MZT2A: variants seen among roughly 807,000 people sequenced by gnomAD.
MZT2A encodes mitotic-spindle organizing protein 2A.
In MZT2A, 8 loss-of-function variants were observed where a neutral mutation model predicts 12.4. That is an observed-to-expected ratio of 0.64 (90% CI 0.38 to 1.16). The LOEUF (loss-of-function observed/expected upper bound fraction) is 1.16. Among genes scored for constraint, MZT2A ranks in the 50% most tolerant of loss-of-function variants. The pLI, the probability that MZT2A is intolerant of heterozygous loss-of-function variation, is 0.01. For missense variants in MZT2A, 181 were observed against 223.6 expected, an observed-to-expected ratio of 0.81 and a Z score of 1.22; for synonymous variants, 88 against 107.5, an observed-to-expected ratio of 0.82 and a Z score of 1.12.
intron 2 of MZT2A, chr2:131,476,173 C>G: frequency 2.5e-6 from 4 of 1,613,836 alleles, no homozygotes; most frequent in Non-Finnish European, 3.4e-6. Context: ...CTGGCAGTAG[C>G]GTTGGGCTGA....
intron 2 of MZT2A, among the ~76,000 whole-genome samples, chr2:131,485,096 C>T (rs527978959): frequency 1.3e-5 from 2 of 152,278 alleles, no homozygotes; most frequent in South Asian, 4.1e-4. Context: ...GGGGTCACAG[C>T]CCCCCATGCG....
chr2:131,473,037 T>C (rs1485593406), intron 2 of MZT2A, among the ~76,000 whole-genome samples: 2 of 152,138 alleles, frequency 1.3e-5, no homozygotes, highest in Non-Finnish European at 2.9e-5. Flanking sequence ...TCCAACAGGA[T>C]TCGTGTCCTT....
intron 2 of MZT2A, among the ~76,000 whole-genome samples, chr2:131,484,981 T>C (rs1182200894): frequency 6.6e-6 from 1 of 152,230 alleles, no homozygotes; most frequent in East Asian, 1.9e-4. Flanking sequence ...GCCAGAGCTT[T>C]ATTTTAATGG....
At chr2:131,476,963 A>G (rs1678692054) in intron 2 of MZT2A, among the ~76,000 whole-genome samples, 1 of 144,654 alleles carries the variant, frequency 6.9e-6, no homozygotes, top group South Asian at 2.1e-4. Flanking sequence ...GCCCATTAAC[A>G]TAACAGATTC....
At chr2:131,490,301 T>C in intron 2 of MZT2A, 6 of 1,017,316 alleles carry the variant, frequency 5.9e-6, no homozygotes, top group Non-Finnish European at 7.2e-6. Flanking sequence ...TCTGGGAAGG[T>C]GGGAGTCTCT....
chr2:131,483,808 A>T, downstream of MZT2A: 1 of 732,486 alleles, frequency 1.4e-6, no homozygotes. Flanking sequence ...GGCAATCCAG[A>T]CACCTTTCCT....
At chr2:131,472,010 T>C (rs16848770) in intron 3 of MZT2A, 123,950 of 1,222,024 alleles carry the variant, frequency 0.1, 9,611 homozygotes, top group African/African-American at 0.4. Flanking sequence ...ATGAACAGAA[T>C]CTTACAAAAC....
chr2:131,470,074 G>A (rs1381244311), intron 4 of MZT2A: 5 of 376,446 alleles, frequency 1.3e-5, no homozygotes, highest in East Asian at 7.4e-5. Flanking sequence ...AAAGTGCTGG[G>A]ATTACAGGCG....
intron 3 of MZT2A, among the ~76,000 whole-genome samples, chr2:131,470,647 G>A (rs1268788144): frequency 1.1e-4 from 17 of 151,762 alleles, no homozygotes; most frequent in Admixed American, 1.0e-3. Flanking sequence ...ACCTCTGCCC[G>A]AGGTCTTCTA....
intron 2 of MZT2A, among the ~76,000 whole-genome samples, chr2:131,476,754 C>T (rs1678685877): frequency 6.6e-6 from 1 of 151,864 alleles, no homozygotes; most frequent in Non-Finnish European, 1.5e-5. Flanking sequence ...ACCAACATGG[C>T]GAAACCCAGT....
At chr2:131,484,637 AC>A (rs1678983645) in intron 2 of MZT2A, among the ~76,000 whole-genome samples, 1 of 152,210 alleles carries the variant, frequency 6.6e-6, no homozygotes, top group South Asian at 2.1e-4. Context: ...AGGTGTGTTC[AC>A]GCTGGACTGC....
rs753638030 is a variant in MZT2A at position 131,484,097 on chromosome 2, GC to G, written c.440del (p.Gly147AlafsTer?). On this transcript the variant is annotated frameshift_variant, in exon 3 of 3. Coordinates refer to ENST00000309451, the MANE Select transcript of MZT2A (RefSeq NM_001085365.2). LOFTEE classifies it high-confidence loss of function. The stretch of plus-strand genomic sequence containing the variant: ...CCTGCGTAGGGCTCTTCCCAGGCCC[GC>G]CCCCCTTGGGCAGCCTGGTAGCGCT... ...QPSATRLPKGGGPGKSPTQGS... is the reference protein window; with the variant it reads ...QPSATRLPKGXGPGKSPTQGS... 5 of 1,613,542 alleles carry G rather than the reference GC, an allele frequency of 3.1e-6. No individual in the cohort carries two copies. Among genetic ancestry groups the G allele is most frequent in the Non-Finnish European group, 4.2e-6 (5 of 1,179,642 alleles).
downstream of MZT2A, among the ~76,000 whole-genome samples, chr2:131,480,911 T>C (rs1478159149): frequency 1.4e-5 from 2 of 143,410 alleles, no homozygotes; most frequent in Admixed American, 7.0e-5. Flanking sequence ...CAGTGATTTC[T>C]TTTTTTTTTT....
At chr2:131,485,241 G>A (rs1310258405) in intron 2 of MZT2A, among the ~76,000 whole-genome samples, 1 of 152,140 alleles carries the variant, frequency 6.6e-6, no homozygotes, top group Non-Finnish European at 1.5e-5. Flanking sequence ...CCTTTGTCCT[G>A]ACTGAGGGAG....
At chr2:131,476,114 G>C (rs1303902828) in intron 2 of MZT2A, 2 of 1,606,956 alleles carry the variant, frequency 1.2e-6, no homozygotes, top group Non-Finnish European at 1.7e-6. Flanking sequence ...GCGCGCACAG[G>C]CAGGAGGTTG....
At chr2:131,489,851 T>A in intron 2 of MZT2A, 3 of 963,482 alleles carry the variant, frequency 3.1e-6, no homozygotes, top group Non-Finnish European at 3.7e-6. Context: ...CTGGACTGAG[T>A]GTGATCATCT....
intron 2 of MZT2A, chr2:131,491,513 C>G (rs1300511388): frequency 2.5e-6 from 1 of 405,760 alleles, no homozygotes; most frequent in Admixed American, 4.1e-5. Context: ...AGGATCCTCC[C>G]GCCGTGGGGT....
At chr2:131,493,114 A>C, upstream of MZT2A, 1 of 1,489,616 alleles carries the variant, frequency 6.7e-7, no homozygotes. Context: ...TCCACCTCTG[A>C]AGCGGGCGAC....
chr2:131,483,729 CA>C (rs1472133773), downstream of MZT2A, among the ~76,000 whole-genome samples: 32 of 142,250 alleles, frequency 2.2e-4, no homozygotes, highest in African/African-American at 9.7e-4. Flanking sequence ...AACAAACAAA[CA>C]AACAAACAAA....
Sources: gnomAD v4.1 joint callset for allele counts (sites outside exome capture counted in the v4.1 genomes callset) on GRCh38, gnomAD v4.1.1 for gene constraint, MANE v1.5 for transcripts, NCBI Gene and HGNC (gene_info 2026-07-23, HGNC 2026-07-21) for gene names.